The following MAML3 variants were observed in gnomAD, a reference collection of about 807,000 sequenced individuals.
The protein encoded by MAML3 is mastermind like transcriptional coactivator 3.
MAML3 carries 27 observed loss-of-function variants against 101.9 expected under a neutral mutation model. That is an observed-to-expected ratio of 0.27 (90% CI 0.20 to 0.37). MAML3 has a LOEUF of 0.37. MAML3 is among the 10% of genes least tolerant of loss of function. The pLI, the probability that MAML3 is intolerant of heterozygous loss-of-function variation, is 1.00. For missense variants in MAML3, 1,316 were observed against 1,444.9 expected (o/e 0.91, Z 1.45); for synonymous variants, 501 against 555.9 (o/e 0.90, Z 1.39).
intron 1 of MAML3, among the ~76,000 whole-genome samples, chr4:140,107,175 A>G (rs1277464221): frequency 6.6e-6 from 1 of 152,132 alleles, no homozygotes. Flanking sequence ...CCAGCCAAAG[A>G]GTGGTATTTT....
intron 1 of MAML3, among the ~76,000 whole-genome samples, chr4:140,069,488 G>A (rs1393509087): frequency 8.1e-6 from 1 of 123,104 alleles, no homozygotes; most frequent in African/African-American, 3.1e-5. Flanking sequence ...GAAGAAGGAG[G>A]AGGAGGAGGG....
chr4:139,862,259 A>G (rs1731797906), intron 2 of MAML3, among the ~76,000 whole-genome samples: 1 of 152,200 alleles, frequency 6.6e-6, no homozygotes, highest in Admixed American at 6.5e-5. Context: ...TCCCAGCCCC[A>G]GAGATTAAGA....
chr4:140,138,700 AC>A (rs1728936454), intron 1 of MAML3, among the ~76,000 whole-genome samples: 1 of 152,194 alleles, frequency 6.6e-6, no homozygotes, highest in Non-Finnish European at 1.5e-5. Context: ...CTGAAGTCCC[AC>A]AGTGGATTAG....
At chr4:139,721,007 A>G (rs1405873367) in intron 4 of MAML3, among the ~76,000 whole-genome samples, 1 of 152,246 alleles carries the variant, frequency 6.6e-6, no homozygotes, top group Non-Finnish European at 1.5e-5. Flanking sequence ...CATGCTCCAG[A>G]TTCTCTGAAT....
intron 2 of MAML3, among the ~76,000 whole-genome samples, chr4:139,800,799 G>A (rs1419689600): frequency 3.3e-5 from 5 of 152,208 alleles, no homozygotes; most frequent in African/African-American, 1.2e-4. Context: ...TAGATGATGA[G>A]TTGTAAACAA....
intron 1 of MAML3, among the ~76,000 whole-genome samples, chr4:139,987,030 C>A (rs1043614760): frequency 6.6e-6 from 1 of 152,132 alleles, no homozygotes; most frequent in Non-Finnish European, 1.5e-5. Flanking sequence ...TGAGGGCTGC[C>A]GACCTGCCAC....
chr4:139,779,609 C>G lies in MAML3; in HGVS notation c.2080-48942G>C, dbSNP rs192982221. On this transcript the variant is annotated intron_variant, in intron 2 of 4. Coordinates refer to ENST00000509479, the MANE Select transcript of MAML3 (RefSeq NM_018717.5). ...TTAAAAAGTATTTCTTAGACTGCATCTGTATCCTGGGATCTGCCAGCAATA... is the reference window on the plus strand; with the variant it reads ...TTAAAAAGTATTTCTTAGACTGCATGTGTATCCTGGGATCTGCCAGCAATA... 7.2e-5 allele frequency among the ~76,000 whole-genome samples: 11 copies of G among 152,320 alleles called. No homozygotes were observed. In the East Asian group the frequency reaches 2.1e-3, roughly 29 times the overall value.
At chr4:139,932,336 T>C (rs746869122) in intron 1 of MAML3, among the ~76,000 whole-genome samples, 46 of 152,228 alleles carry the variant, frequency 3.0e-4, no homozygotes, top group East Asian at 2.1e-3. Context: ...GGGAAAAACA[T>C]AAAATACTTT....
chr4:139,732,375 C>G (rs1415065218), intron 2 of MAML3, among the ~76,000 whole-genome samples: 2 of 152,128 alleles, frequency 1.3e-5, no homozygotes, highest in Non-Finnish European at 2.9e-5. Flanking sequence ...TCCACTATGA[C>G]TGACTTCAAC....
At chr4:139,988,372 A>G (rs923376356) in intron 1 of MAML3, among the ~76,000 whole-genome samples, 3 of 150,914 alleles carry the variant, frequency 2.0e-5, no homozygotes, top group Non-Finnish European at 2.9e-5. Context: ...CTGTCCCACC[A>G]TTACTACTTT....
chr4:139,925,269 G>C (rs187205330), intron 1 of MAML3, among the ~76,000 whole-genome samples: 3 of 152,076 alleles, frequency 2.0e-5, no homozygotes, highest in Non-Finnish European at 2.9e-5. Flanking sequence ...TCACTCTGTC[G>C]TGCAGGCTTG....
At chr4:139,782,515 A>T (rs1431765478) in intron 2 of MAML3, among the ~76,000 whole-genome samples, 3 of 152,222 alleles carry the variant, frequency 2.0e-5, no homozygotes, top group Non-Finnish European at 4.4e-5. Flanking sequence ...AACAGTTTAC[A>T]TGGACACAAA....
rs912389511 is a variant in MAML3, at chr4:139,785,593, A to G, written c.2080-54926T>C. Among the ~76,000 whole-genome samples the G allele has an allele frequency of 3.3e-5, 5 of 152,152 alleles. No homozygotes were observed. Among genetic ancestry groups the G allele is most frequent in the African/African-American group, 7.2e-5 (3 of 41,428 alleles). On this transcript the variant is annotated intron_variant, in intron 2 of 4. Coordinates refer to ENST00000509479, the MANE Select transcript of MAML3 (RefSeq NM_018717.5). The surrounding 1 kb of genome is among the most constrained non-coding windows in gnomAD (Gnocchi z 4.3). ...AGTATTGTTTGGAAAAATATCACCC[A>G]GCACGAACAATATGGCTCCCCAGCG... is the stretch of plus-strand genomic sequence containing the variant.
intron 1 of MAML3, among the ~76,000 whole-genome samples, chr4:139,989,694 C>T (rs7698089): frequency 0.5 from 75,837 of 151,674 alleles, 19,411 homozygotes; most frequent in East Asian, 0.64. Flanking sequence ...TGTCAGGCTA[C>T]CCTTCTTCAC....
At chr4:140,052,153 A>G (rs1727278891) in intron 1 of MAML3, among the ~76,000 whole-genome samples, 1 of 152,206 alleles carries the variant, frequency 6.6e-6, no homozygotes, top group African/African-American at 2.4e-5. Flanking sequence ...AATGGTTCAC[A>G]CATAAGTTAA....
chr4:139,952,877 A>C (rs552637396), intron 1 of MAML3, among the ~76,000 whole-genome samples: 1 of 152,310 alleles, frequency 6.6e-6, no homozygotes, highest in South Asian at 2.1e-4. Context: ...CTGGAAGCAA[A>C]AGATTCCAAG....
Position 139,719,100 on chromosome 4 carries a change from G to A in MAML3, c.*223C>T. ...GGGTGTCTCCCTCTCTCGCAGCCGG[G>A]ATCTGCATGGCGTCTCATCTCGATT... On this transcript the variant is annotated 3_prime_UTR_variant, in exon 5 of 5. Transcript: ENST00000509479. 1 of 533,740 alleles carries A rather than the reference G, an allele frequency of 1.9e-6. No individual in the cohort carries two copies. Among genetic ancestry groups the A allele is most frequent in the Non-Finnish European group, 3.2e-6 (1 of 310,808 alleles). 33.1% of individuals were successfully genotyped at this position (533,740 alleles called of 1,614,324 possible). A position where few individuals can be genotyped will look rare whatever the true frequency, so the allele number is the denominator to read the frequency against.
intron 2 of MAML3, among the ~76,000 whole-genome samples, chr4:139,799,594 C>A (rs940170515): frequency 4.6e-5 from 7 of 152,096 alleles, no homozygotes; most frequent in Non-Finnish European, 4.4e-5. Context: ...TTTTCAGGTT[C>A]ATGTAAGGAA....
intron 2 of MAML3, 62 bp from the exon 3 acceptor site, chr4:139,730,729 G>C (rs1728672901): frequency 6.7e-7 from 1 of 1,486,136 alleles, no homozygotes; most frequent in Non-Finnish European, 9.2e-7. Flanking sequence ...GCTGTTTGAA[G>C]GGAAGCCCCT....
Sources: gnomAD v4.1 joint callset for allele counts (sites outside exome capture counted in the v4.1 genomes callset) on GRCh38, gnomAD v4.1.1 for gene constraint, Gnocchi (gnomAD v3.1) non-coding constraint, MANE v1.5 for transcripts, NCBI Gene and HGNC (gene_info 2026-07-23, HGNC 2026-07-21) for gene names.